The following CLPB variants were observed in gnomAD, a reference collection of about 807,000 sequenced individuals.
CLPB encodes the protein mitochondrial disaggregase.
CLPB carries 40 observed loss-of-function variants against 78.4 expected under a neutral mutation model. The ratio of observed to expected loss-of-function variants is 0.51; its 90% CI spans 0.40 to 0.66. The LOEUF (loss-of-function observed/expected upper bound fraction) is 0.66, where lower values mean the gene tolerates loss of function less well. Ranked by LOEUF, CLPB falls within the 30% of genes least tolerant of loss-of-function variation. CLPB has a pLI of 0.00. For synonymous variants in CLPB, 333 were observed against 348.0 expected (o/e 0.96, Z 0.48); for missense variants, 780 against 886.9 (o/e 0.88, Z 1.53).
intron 5 of CLPB, among the ~76,000 whole-genome samples, chr11:72,347,069 G>C (rs2135582010): frequency 6.6e-6 from 1 of 151,432 alleles, no homozygotes; most frequent in East Asian, 1.9e-4. Flanking sequence ...AGGGGTTCTT[G>C]CTTAGAGAGA....
chr11:72,294,246 T>TGG, intron 14 of CLPB, 79 bp downstream of exon 14: 1 of 1,611,620 alleles, frequency 6.2e-7, no homozygotes. Context: ...TTTATGTGTG[T>TGG]GGGGGTGCCC....
In CLPB at chr11:72,349,896, A is replaced by G. The variant is rs1170711877; in HGVS notation, c.775+8984T>C. Among the ~76,000 whole-genome samples, 3 of 152,278 alleles carry G rather than the reference A, an allele frequency of 2.0e-5. No individual in the cohort carries two copies. The East Asian group carries it at 5.8e-4, about 29-fold the overall frequency. ...TGCTGACCTCTCCCTCACCCAAGGG[A>G]GCCTTGGCCTCCAGCTGCCACTACT... is the stretch of plus-strand genomic sequence containing the variant. On this transcript the variant is annotated intron_variant, in intron 5 of 15. Transcript: ENST00000538039.
At position 72,297,825 on chromosome 11, in the gene CLPB, C is replaced by G. The variant is rs1231358891; in HGVS notation, c.1330-2177G>C. Among the ~76,000 whole-genome samples the G allele has an allele frequency of 4.6e-5, 7 of 152,188 alleles. No homozygotes were observed. The East Asian group carries it at 1.2e-3, about 25-fold the overall frequency. On this transcript the variant is annotated intron_variant, in intron 11 of 15. Coordinates refer to ENST00000538039, the MANE Select transcript of CLPB (RefSeq NM_001258392.3). The stretch of plus-strand genomic sequence containing the variant: ...CAGAGCAATAACCTAGCAGCAATTT[C>G]ATTCTCAGAGATCAAAGCTCTGCTC...
Position 72,338,215 on chromosome 11 carries a change from G to C in CLPB, c.776-8411C>G, listed in dbSNP as rs534096570. On this transcript the variant is annotated intron_variant, in intron 5 of 15. Transcript: ENST00000538039. ...GATGTCAGGGGAGTGAGATGAAGAT[G>C]ATGATTCTTCCCCCTACCCCCCTGG... is the stretch of plus-strand genomic sequence containing the variant. Among the ~76,000 whole-genome samples, 173 of 152,258 alleles carry C rather than the reference G, an allele frequency of 1.1e-3. 1 individual carries two copies. The highest frequency in any genetic ancestry group is 3.9e-3 in the African/African-American group (160 of 41,542).
rs1312134354 is a variant in CLPB at position 72,312,893 on chromosome 11, T to C, written c.988+4213A>G. On this transcript the variant is annotated intron_variant, in intron 7 of 15. Coordinates refer to ENST00000538039, the MANE Select transcript of CLPB (RefSeq NM_001258392.3). The surrounding 1 kb of genome is among the most constrained non-coding windows in gnomAD (Gnocchi z 4.2). ...ACAGAGGGAAGTATGGGAAGAGCCA[T>C]TTGTGCTGGCCTGACATTTGTGCTT... Among the ~76,000 whole-genome samples the C allele has an allele frequency of 6.6e-6, 1 of 152,122 alleles. No individual in the cohort carries two copies. The highest frequency in any genetic ancestry group is 2.4e-5 in the African/African-American group (1 of 41,432).
chr11:72,346,664 A>G (rs190215663), intron 5 of CLPB, among the ~76,000 whole-genome samples: 1 of 152,170 alleles, frequency 6.6e-6, no homozygotes, highest in Admixed American at 6.5e-5. Context: ...TAAGCCTATA[A>G]TAAATTTTAC....
At chr11:72,371,533 A>AAAAAT (rs5792587) in intron 4 of CLPB, among the ~76,000 whole-genome samples, 2,677 of 126,186 alleles carry the variant, frequency 0.021, 43 homozygotes, top group African/African-American at 0.038. Flanking sequence ...ACTCTGTCTC[A>AAAAAT]AAAATAAAAT....
chr11:72,363,025 G>A (rs1393340193), intron 4 of CLPB, among the ~76,000 whole-genome samples: 2 of 152,070 alleles, frequency 1.3e-5, no homozygotes, highest in African/African-American at 4.8e-5. Flanking sequence ...GCGTGGTGGC[G>A]CATGCCTGTA....
At chr11:72,307,378 A>T in intron 8 of CLPB, 124 bp from the exon 9 acceptor site, 1 of 822,632 alleles carries the variant, frequency 1.2e-6, no homozygotes, top group Non-Finnish European at 2.0e-6. Flanking sequence ...GTTGAGGCGC[A>T]GAAAGGATCA....
At chr11:72,373,550 T>G (rs1951084044) in intron 4 of CLPB, among the ~76,000 whole-genome samples, 1 of 152,212 alleles carries the variant, frequency 6.6e-6, no homozygotes, top group South Asian at 2.1e-4. Context: ...TACTTCTCTC[T>G]ACATTTATTC....
chr11:72,383,987 GACAA>G (rs1195391521), intron 3 of CLPB, among the ~76,000 whole-genome samples: 3 of 151,986 alleles, frequency 2.0e-5, no homozygotes, highest in African/African-American at 4.8e-5. Context: ...AAAACAGACA[GACAA>G]ACAAATACAA....
chr11:72,326,676 A>C (rs951597516), intron 6 of CLPB, among the ~76,000 whole-genome samples: 13 of 152,114 alleles, frequency 8.5e-5, no homozygotes, highest in Admixed American at 3.3e-4. Flanking sequence ...GATGGGGCCC[A>C]GGCTGGAGCT....
At chr11:72,334,809 A>C (rs2135558745) in intron 5 of CLPB, among the ~76,000 whole-genome samples, 1 of 152,262 alleles carries the variant, frequency 6.6e-6, no homozygotes, top group Non-Finnish European at 1.5e-5. Flanking sequence ...GCTGGGGCAA[A>C]CACCTGGAGC....
chr11:72,373,392 C>A (rs182692047), intron 4 of CLPB, among the ~76,000 whole-genome samples: 1 of 152,328 alleles, frequency 6.6e-6, no homozygotes, highest in African/African-American at 2.4e-5. Context: ...TAATTTATTA[C>A]CTCCTCCATC....
chr11:72,316,700 A>T (rs180996730), intron 7 of CLPB, among the ~76,000 whole-genome samples: 16 of 152,366 alleles, frequency 1.1e-4, no homozygotes, highest in African/African-American at 3.8e-4. Context: ...AGATGGGGAC[A>T]TAAGTTCTGG....
At chr11:72,362,308 G>A (rs558769893) in intron 4 of CLPB, among the ~76,000 whole-genome samples, 4 of 152,160 alleles carry the variant, frequency 2.6e-5, no homozygotes, top group Admixed American at 6.5e-5. Context: ...ACATTCTATC[G>A]TAAGCACTTG....
chr11:72,355,645 CTAGG>C (rs1185879532), intron 5 of CLPB, among the ~76,000 whole-genome samples: 1 of 152,148 alleles, frequency 6.6e-6, no homozygotes, highest in Non-Finnish European at 1.5e-5. Flanking sequence ...GGATTCAAAC[CTAGG>C]TTGGCCTGAT....
intron 9 of CLPB, among the ~76,000 whole-genome samples, chr11:72,305,242 T>C (rs190887915): frequency 7.9e-5 from 12 of 152,338 alleles, no homozygotes; most frequent in Non-Finnish European, 1.3e-4. Flanking sequence ...CTTCCCCTAA[T>C]AGGTGACCTT....
At chr11:72,321,891 A>G (rs1475119708) in intron 6 of CLPB, among the ~76,000 whole-genome samples, 1 of 150,616 alleles carries the variant, frequency 6.6e-6, no homozygotes, top group African/African-American at 2.4e-5. Context: ...GGCTTCTACC[A>G]TGTCCTGAAA....
Sources: gnomAD v4.1 joint callset for allele counts (sites outside exome capture counted in the v4.1 genomes callset) on GRCh38, gnomAD v4.1.1 for gene constraint, Gnocchi (gnomAD v3.1) non-coding constraint, MANE v1.5 for transcripts, NCBI Gene and HGNC (gene_info 2026-07-23, HGNC 2026-07-21) for gene names.